The following GATAD2B variants were observed in gnomAD, a reference collection of about 807,000 sequenced individuals.
GATAD2B encodes the protein transcriptional repressor p66-beta.
A neutral mutation model predicts 64.3 loss-of-function variants in GATAD2B; 8 were observed. The ratio of observed to expected loss-of-function variants is 0.12; its 90% CI spans 0.07 to 0.22. The LOEUF is 0.22. Ranked by LOEUF, GATAD2B falls within the 10% of genes least tolerant of loss-of-function variation. The pLI is 1.00. For missense variants in GATAD2B, 453 were observed against 752.0 expected (o/e 0.60, Z 4.65); for synonymous variants, 281 against 271.3 (o/e 1.04, Z -0.35).
At chr1:153,854,455 A>G (rs1676012898) in intron 1 of GATAD2B, among the ~76,000 whole-genome samples, 1 of 152,190 alleles carries the variant, frequency 6.6e-6, no homozygotes, top group African/African-American at 2.4e-5. Flanking sequence ...AACTGAGACT[A>G]GGCAAAGCAC....
chr1:153,894,185 G>T (rs532481818), intron 1 of GATAD2B, among the ~76,000 whole-genome samples: 65 of 152,014 alleles, frequency 4.3e-4, no homozygotes, highest in African/African-American at 1.5e-3. Context: ...ACAGACTTCT[G>T]GGACTGAGCA....
intron 1 of GATAD2B, among the ~76,000 whole-genome samples, chr1:153,868,518 T>C (rs1676552930): frequency 6.6e-6 from 1 of 152,030 alleles, no homozygotes; most frequent in Non-Finnish European, 1.5e-5. Flanking sequence ...GAGTTCTTTT[T>C]TAAAAAATTT....
At chr1:153,910,632 C>T (rs936635752) in intron 1 of GATAD2B, among the ~76,000 whole-genome samples, 1 of 152,000 alleles carries the variant, frequency 6.6e-6, no homozygotes, top group African/African-American at 2.4e-5. Flanking sequence ...TCCAGCTACT[C>T]AGGAGGCTGA....
In GATAD2B at chr1:153,828,411, A is replaced by C. The variant is rs141108049; in HGVS notation, c.-1-63T>G. 298 of 1,218,134 alleles carry C rather than the reference A, an allele frequency of 2.4e-4. 1 individual carries two copies. The East Asian group carries it at 6.9e-3, about 28-fold the overall frequency. The allele number at this position is 1,218,134 out of a possible 1,614,324, so 75.5% of individuals were successfully genotyped here. ...TCCCTTAAATAGTCCATTTTTAAAA[A>C]GGTGGAATGGTGAAGTTATTAACAA... On this transcript the variant is annotated intron_variant, in intron 1 of 10. Coordinates refer to ENST00000368655, the MANE Select transcript of GATAD2B (RefSeq NM_020699.4).
intron 3 of GATAD2B, 52 bp from the exon 4 acceptor site, chr1:153,818,974 T>C (rs1674580386): frequency 6.3e-7 from 1 of 1,578,678 alleles, no homozygotes; most frequent in South Asian, 1.1e-5. Context: ...CCAGAATTCC[T>C]TCCTGCAAGA....
At chr1:153,815,303 A>AAAAAG (rs1216683010) in intron 7 of GATAD2B, among the ~76,000 whole-genome samples, 3 of 148,812 alleles carry the variant, frequency 2.0e-5, no homozygotes, top group African/African-American at 7.4e-5. Flanking sequence ...CAAAAAAAAA[A>AAAAAG]AAAAGAAAAG....
intron 1 of GATAD2B, among the ~76,000 whole-genome samples, chr1:153,829,718 AGAGT>A (rs1675009999): frequency 1.3e-5 from 2 of 152,234 alleles, no homozygotes; most frequent in East Asian, 1.9e-4. Flanking sequence ...CCTGGGCGAC[AGAGT>A]GAGACTCCAT....
In GATAD2B at chr1:153,845,107, A is replaced by G. The variant is rs539582422; in HGVS notation, c.-1-16759T>C. On this transcript the variant is annotated intron_variant, in intron 1 of 10. Transcript: ENST00000368655. ...TACGCAGAGAAATGGAAGATGTACA[A>G]AAAGACTCAAATCAAACTTCTAGAG... Among the ~76,000 whole-genome samples the G allele has an allele frequency of 1.4e-4, 21 of 152,294 alleles. No individual in the cohort carries two copies. In the South Asian group the frequency reaches 3.5e-3, roughly 26 times the overall value.
At chr1:153,838,311 C>T (rs769678491) in intron 1 of GATAD2B, among the ~76,000 whole-genome samples, 87 of 152,194 alleles carry the variant, frequency 5.7e-4, no homozygotes, top group Non-Finnish European at 1.1e-3. Flanking sequence ...TTTTGGAAAA[C>T]GACTAGATTA....
intron 1 of GATAD2B, among the ~76,000 whole-genome samples, chr1:153,861,781 C>CAAAAAAAAAAAAAAAAAAAAAAA (rs869141712): frequency 5.8e-5 from 5 of 85,708 alleles, no homozygotes; most frequent in African/African-American, 2.1e-4. Context: ...GACTCCATTT[C>CAAAAAAAAAAAAAAAAAAAAAAA]AAAAAAAAAA....
intron 1 of GATAD2B, among the ~76,000 whole-genome samples, chr1:153,889,413 CAA>C (rs71093299): frequency 0.16 from 10,636 of 67,840 alleles, 438 homozygotes; most frequent in East Asian, 0.47. Context: ...ACCCCGTCTC[CAA>C]AAAAAAAAAA....
intron 1 of GATAD2B, among the ~76,000 whole-genome samples, chr1:153,876,985 C>G (rs1676856469): frequency 1.3e-5 from 2 of 152,138 alleles, no homozygotes; most frequent in Admixed American, 1.3e-4. Context: ...CCACTTCACT[C>G]CAGCCTGGGT....
At chr1:153,914,381 T>TA (rs1231425203) in intron 1 of GATAD2B, among the ~76,000 whole-genome samples, 1 of 152,046 alleles carries the variant, frequency 6.6e-6, no homozygotes, top group Non-Finnish European at 1.5e-5. Flanking sequence ...GCGAAATAGA[T>TA]AAAGCAGTTA....
intron 1 of GATAD2B, among the ~76,000 whole-genome samples, chr1:153,831,502 A>G (rs760382402): frequency 6.6e-6 from 1 of 152,194 alleles, no homozygotes; most frequent in Non-Finnish European, 1.5e-5. Context: ...TTAAAGTAAA[A>G]TAATAAAAAA....
chr1:153,890,048 T>G (rs1677323198), intron 1 of GATAD2B, among the ~76,000 whole-genome samples: 1 of 151,614 alleles, frequency 6.6e-6, no homozygotes, highest in Admixed American at 6.6e-5. Context: ...GGGGCATGCC[T>G]GCAATCCCAG....
At chr1:153,873,377 G>C (rs1460692294) in intron 1 of GATAD2B, among the ~76,000 whole-genome samples, 1 of 152,202 alleles carries the variant, frequency 6.6e-6, no homozygotes, top group East Asian at 1.9e-4. Context: ...TTCATCTGTT[G>C]GATACTTGGT....
At chr1:153,850,188 C>T (rs1040640846) in intron 1 of GATAD2B, among the ~76,000 whole-genome samples, 3 of 152,126 alleles carry the variant, frequency 2.0e-5, no homozygotes, top group African/African-American at 4.8e-5. Flanking sequence ...GCTGGTTACC[C>T]CAAGGGTATT....
At chr1:153,835,448 C>A (rs561095571) in intron 1 of GATAD2B, among the ~76,000 whole-genome samples, 2 of 151,422 alleles carry the variant, frequency 1.3e-5, no homozygotes, top group East Asian at 3.9e-4. Context: ...GTTGGGCAGG[C>A]GCAGTGGCTC....
Position 153,848,972 on chromosome 1 carries a change from A to AC in GATAD2B, c.-1-20625_-1-20624insG, listed in dbSNP as rs1460207660. Among the ~76,000 whole-genome samples, 797 of 118,328 alleles carry AC rather than the reference A, an allele frequency of 6.7e-3. 3 individuals carry two copies. The highest frequency in any genetic ancestry group is 0.011 in the African/African-American group (362 of 32,944). 77.6% of individuals were successfully genotyped at this position (118,328 alleles called of 152,430 possible). A position where few individuals can be genotyped will look rare whatever the true frequency, so the allele number is the denominator to read the frequency against. ...CTCAAAACAAAGCAAAAAACAAACAAACCCCCCCCCTCCCCCAGACTGGGT... is the reference window on the plus strand; with the variant it reads ...CTCAAAACAAAGCAAAAAACAAACAACACCCCCCCCCTCCCCCAGACTGGGT... On this transcript the variant is annotated intron_variant, in intron 1 of 10. Transcript: ENST00000368655.
Sources: allele counts gnomAD v4.1 joint callset (sites outside exome capture counted in the v4.1 genomes callset), GRCh38; gene constraint gnomAD v4.1.1; transcripts MANE v1.5; gene names NCBI Gene and HGNC (gene_info 2026-07-23, HGNC 2026-07-21).